Variants in MPP2 observed in about 807,000 individuals in gnomAD.
The protein encoded by MPP2 is MAGUK p55 subfamily member 2.
A neutral mutation model predicts 58.5 loss-of-function variants in MPP2; 42 were observed. The ratio of observed to expected loss-of-function variants is 0.72; its 90% confidence interval spans 0.56 to 0.93. MPP2 has a LOEUF of 0.93. Among genes scored for constraint, MPP2 ranks in the 40% least tolerant of loss-of-function variants. The probability of loss-of-function intolerance (pLI) is 0.00; values close to 1 mark genes in which losing one functional copy is unlikely to be tolerated. For synonymous variants in MPP2, 300 were observed against 307.8 expected (o/e 0.97, Z 0.26); for missense variants, 632 against 760.4 (o/e 0.83, Z 1.99).
intron 2 of MPP2, among the ~76,000 whole-genome samples, chr17:43,899,560 G>C (rs231494): frequency 0.8 from 121,761 of 152,080 alleles, 49,760 homozygotes; most frequent in East Asian, 1. Flanking sequence ...CTTCAGCTCT[G>C]AGTGACAATG....
intron 3 of MPP2, among the ~76,000 whole-genome samples, chr17:43,886,306 A>G (rs1189275460): frequency 1.3e-5 from 2 of 151,480 alleles, no homozygotes; most frequent in Non-Finnish European, 2.9e-5. Flanking sequence ...TTTGTTTGAG[A>G]CAGAGTCTTG....
intron 3 of MPP2, among the ~76,000 whole-genome samples, chr17:43,897,374 G>A (rs1357556154): frequency 1.3e-5 from 2 of 152,142 alleles, no homozygotes; most frequent in East Asian, 1.9e-4. Flanking sequence ...CCAGCTACTC[G>A]GGAGACTGAG....
chr17:43,896,438 C>G (rs2047850297), intron 3 of MPP2, among the ~76,000 whole-genome samples: 1 of 152,096 alleles, frequency 6.6e-6, no homozygotes, highest in Non-Finnish European at 1.5e-5. Context: ...TGACCTTGGT[C>G]TTTTTCTCTT....
Position 43,883,309 on chromosome 17 carries a change from T to C in MPP2, c.197A>G (p.Asn66Ser). ...GATCTCCTGCACCAGCTCCAGGTTG[T>C]TGTCTCTCACGGCCTCCAGCTTCGT... ...EETKLEAVRD[N>S]NLELVQEILR... is the part of the protein sequence containing the mutation. The change falls in exon 4 of 13, where the codon AAC (asparagine) becomes AGC (serine). Residue 66 changes from asparagine (N) to serine (S), a missense_variant. Coordinates refer to ENST00000269095, the MANE Select transcript of MPP2 (RefSeq NM_005374.5). 6.2e-7 allele frequency: 1 copy of C among 1,613,190 alleles called. No homozygotes were observed. The highest frequency in any genetic ancestry group is 1.1e-5 in the South Asian group (1 of 90,998).
Position 43,882,428 on chromosome 17 carries a change from C to G in MPP2, c.537G>C (p.Leu179=). ...HGGMVAQQGL[L]HVGDIIKEVN... ...CCTCCTTGATGATGTCACCCACATGCAGCAGGCCTTGTTGAGCCACCATGC... is the reference window on the plus strand; with the variant it reads ...CCTCCTTGATGATGTCACCCACATGGAGCAGGCCTTGTTGAGCCACCATGC... The change falls in exon 6 of 13, where the codon CTG becomes CTC. Residue 179 remains leucine, a synonymous_variant. Transcript: ENST00000269095. 1 of 1,610,702 alleles carries G rather than the reference C, an allele frequency of 6.2e-7. No homozygotes were observed. Among genetic ancestry groups the G allele is most frequent in the Non-Finnish European group, 8.5e-7 (1 of 1,179,960 alleles).
Position 43,882,292 on chromosome 17 carries a change from G to A in MPP2, c.673C>T (p.Pro225Ser). The change falls in exon 6 of 13, where the codon CCC becomes TCC. Residue 225 changes from proline (P) to serine (S), a missense_variant. Transcript: ENST00000269095. ...ILPSYQEPHL[P>S]RQVFVKCHFD... is the part of the protein sequence containing the mutation. ...CTGGGTGAGGGGCCCACCTGGCGGG[G>A]CAGATGGGGCTCCTGGTAGCTGGGC... 1 of 1,610,064 alleles carries A rather than the reference G, an allele frequency of 6.2e-7. No homozygotes were observed. Among genetic ancestry groups the A allele is most frequent in the East Asian group, 2.2e-5 (1 of 44,882 alleles).
intron 3 of MPP2, among the ~76,000 whole-genome samples, chr17:43,895,358 C>G (rs2047801321): frequency 6.6e-6 from 1 of 152,152 alleles, no homozygotes; most frequent in Non-Finnish European, 1.5e-5. Context: ...ATGATCCACC[C>G]ACCTTGGTCT....
At chr17:43,885,178 C>T (rs1294687075) in intron 3 of MPP2, among the ~76,000 whole-genome samples, 1 of 150,604 alleles carries the variant, frequency 6.6e-6, no homozygotes, top group Non-Finnish European at 1.5e-5. Context: ...CCTTACTCCT[C>T]TTTCTCTCCT....
At position 43,885,325 on chromosome 17, in the gene MPP2, G is replaced by A. The variant is rs2047322460; in HGVS notation, c.151-1970C>T. On this transcript the variant is annotated intron_variant, in intron 3 of 12. Transcript: ENST00000269095. The stretch of plus-strand genomic sequence containing the variant: ...ATTCACACCTCTGTCCTGTTGACAT[G>A]TTCCCATCAGTCCTTGAGCATCTTC... Among the ~76,000 whole-genome samples the A allele has an allele frequency of 2.6e-5, 4 of 152,064 alleles. No individual in the cohort carries two copies. The South Asian group carries it at 8.3e-4, about 31-fold the overall frequency.
At chr17:43,878,017 G>A in intron 12 of MPP2, 34 bp from the exon 13 acceptor site, 1 of 1,591,346 alleles carries the variant, frequency 6.3e-7, no homozygotes, top group Non-Finnish European at 8.6e-7. Context: ...CCTACAGTCA[G>A]TGCCCACAAC....
chr17:43,898,150 G>T, intron 3 of MPP2, 112 bp downstream of exon 3: 1 of 817,004 alleles, frequency 1.2e-6, no homozygotes, highest in Non-Finnish European at 2.1e-6. Context: ...CTTCAGGGGG[G>T]CCTCTTGTGC....
At chr17:43,884,617 A>C (rs1319522261) in intron 3 of MPP2, among the ~76,000 whole-genome samples, 1 of 152,212 alleles carries the variant, frequency 6.6e-6, no homozygotes, top group Non-Finnish European at 1.5e-5. Flanking sequence ...AATCCTTTTG[A>C]CAAGAGTTCT....
Position 43,904,505 on chromosome 17 carries a change from A to G in MPP2, c.-33-12T>C, listed in dbSNP as rs752340017. The stretch of plus-strand genomic sequence containing the variant: ...CTGAAACGTCTCTCCTGGAGAGGGG[A>G]GAGAGGAGGATGAGCAGATACAAGG... On this transcript the variant is annotated splice_polypyrimidine_tract_variant and intron_variant, in intron 1 of 12. Transcript: ENST00000269095. The G allele has an allele frequency of 3.1e-6, 5 of 1,612,768 alleles. No individual in the cohort carries two copies. Among genetic ancestry groups the G allele is most frequent in the Non-Finnish European group, 2.5e-6 (3 of 1,179,038 alleles).
At chr17:43,881,664 C>T in intron 6 of MPP2, 75 bp from the exon 7 acceptor site, 1 of 1,540,722 alleles carries the variant, frequency 6.5e-7, no homozygotes, top group Non-Finnish European at 8.8e-7. Flanking sequence ...CCCCATGCCC[C>T]CTCTTTTCAC....
intron 3 of MPP2, 24 bp from the exon 4 acceptor site, chr17:43,883,379 G>C (rs1243711258): frequency 6.2e-7 from 1 of 1,601,686 alleles, no homozygotes; most frequent in Non-Finnish European, 8.5e-7. Context: ...CAGAACAGGT[G>C]GGGCTAGGAG....
chr17:43,878,110 G>A (rs1207483761), intron 12 of MPP2, 127 bp from the exon 13 acceptor site: 14 of 1,052,564 alleles, frequency 1.3e-5, no homozygotes, highest in Non-Finnish European at 1.7e-5. Context: ...CCCTGGCTAG[G>A]GAGGCAGGGG....
rs1324570239 is a variant in MPP2, at chr17:43,882,999, G to A, written c.357C>T (p.Pro119=). 2 of 1,610,286 alleles carry A rather than the reference G, an allele frequency of 1.2e-6. No homozygotes were observed. The highest frequency in any genetic ancestry group is 2.2e-5 in the East Asian group (1 of 44,820). ...SVASKTYETP[P]PSPGLDPTFS... The stretch of plus-strand genomic sequence containing the variant: ...ATGTAGGGTCCAGGCCAGGGCTGGG[G>A]GGTGGTGTCTCATAGGTCTTTGAGG... Residue 119 remains proline (P), a synonymous_variant, in exon 5 of 13, where the codon CCC becomes CCT. Coordinates refer to ENST00000269095, the MANE Select transcript of MPP2 (RefSeq NM_005374.5).
At chr17:43,897,584 C>T (rs1281272356) in intron 3 of MPP2, among the ~76,000 whole-genome samples, 1 of 152,220 alleles carries the variant, frequency 6.6e-6, no homozygotes, top group Non-Finnish European at 1.5e-5. Context: ...ACCTGCCAAC[C>T]TTTGCACAGC....
intron 6 of MPP2, 26 bp downstream of exon 6, chr17:43,882,258 G>A: frequency 1.9e-6 from 3 of 1,591,538 alleles, no homozygotes; most frequent in South Asian, 2.2e-5. Flanking sequence ...CCATCCCTTG[G>A]GCCTTGTGCT....
Sources: gnomAD v4.1 joint callset for allele counts (sites outside exome capture counted in the v4.1 genomes callset) on GRCh38, gnomAD v4.1.1 for gene constraint, MANE v1.5 for transcripts, NCBI Gene and HGNC (gene_info 2026-07-23, HGNC 2026-07-21) for gene names.